The following CLVS2 variants were observed in gnomAD, a reference collection of about 807,000 sequenced individuals.
CLVS2 encodes clavesin-2.
CLVS2 carries 19 observed loss-of-function variants against 29.0 expected under a neutral mutation model. The observed-to-expected ratio is 0.66, with a 90% CI of 0.46 to 0.96. CLVS2 has a LOEUF of 0.96. Among genes scored for constraint, CLVS2 ranks in the 40% least tolerant of loss-of-function variants. The pLI is 0.00. For missense variants in CLVS2, 294 were observed against 404.1 expected, an observed-to-expected ratio of 0.73 and a Z score of 2.34; for synonymous variants, 161 against 151.3, an observed-to-expected ratio of 1.06 and a Z score of -0.47.
Position 123,071,965 on chromosome 6 carries a change from C to G in CLVS2, c.*8204C>G, listed in dbSNP as rs1250958010. On this transcript the variant is annotated 3_prime_UTR_variant, in exon 6 of 6. Transcript: ENST00000275162. ...TTAATTTCAGCTATCATTTTTAGAGCCTTACAGTCACAATTGTTCTTAACT... is the reference window on the plus strand; with the variant it reads ...TTAATTTCAGCTATCATTTTTAGAGGCTTACAGTCACAATTGTTCTTAACT... 1.3e-5 allele frequency: 2 copies of G among 151,976 alleles called. No individual in the cohort carries two copies. Among genetic ancestry groups the G allele is most frequent in the Admixed American group, 6.6e-5 (1 of 15,242 alleles). The allele number at this position is 151,976 out of a possible 1,614,324, so 9.4% of individuals were successfully genotyped here. A position where few individuals can be genotyped will look rare whatever the true frequency, so the allele number is the denominator to read the frequency against.
rs568263111 is a variant in CLVS2 at position 123,020,930 on chromosome 6, A to G, written c.564+9771A>G. On this transcript the variant is annotated intron_variant, in intron 3 of 5. Coordinates refer to ENST00000275162, the MANE Select transcript of CLVS2 (RefSeq NM_001010852.4). ...ATTTAAAAAATTTCACCTTTGTGTC[A>G]TCTTAGCTCTTGCTCGAATTTCATT... Among the ~76,000 whole-genome samples the G allele has an allele frequency of 1.3e-3, 198 of 151,966 alleles. 3 individuals carry two copies. Among genetic ancestry groups the G allele is most frequent in the African/African-American group, 4.6e-3 (190 of 41,500 alleles).
At chr6:123,041,175 C>A (rs1775227202) in intron 3 of CLVS2, among the ~76,000 whole-genome samples, 1 of 152,012 alleles carries the variant, frequency 6.6e-6, no homozygotes, top group African/African-American at 2.4e-5. Flanking sequence ...ACTTGAAGGA[C>A]TTAATAAAAG....
chr6:123,063,842 A>G lies in CLVS2; in HGVS notation c.*81A>G, dbSNP rs1271923177. The G allele has an allele frequency of 4.3e-6, 4 of 933,428 alleles. No homozygotes were observed. The highest frequency in any genetic ancestry group is 3.3e-5 in the African/African-American group (2 of 61,064). 57.8% of individuals were successfully genotyped at this position (933,428 alleles called of 1,614,324 possible). ...ACAGGGACAACACTGTAGAGGAATTACCAGCTGGAAACCGACTTATTCATG... is the reference window on the plus strand; with the variant it reads ...ACAGGGACAACACTGTAGAGGAATTGCCAGCTGGAAACCGACTTATTCATG... On this transcript the variant is annotated 3_prime_UTR_variant, in exon 6 of 6. Coordinates refer to ENST00000275162, the MANE Select transcript of CLVS2 (RefSeq NM_001010852.4).
chr6:123,064,031 T>G lies in CLVS2; in HGVS notation c.*270T>G, dbSNP rs1051873676. 1 of 286,798 alleles carries G rather than the reference T, an allele frequency of 3.5e-6. No homozygotes were observed. The highest frequency in any genetic ancestry group is 6.5e-6 in the Non-Finnish European group (1 of 153,260). 17.8% of individuals were successfully genotyped at this position (286,798 alleles called of 1,614,324 possible). ...CAAGTTTGTAAATTTCAGTAGTAAC[T>G]CAGTTTGGAAAAAGGTTGGCTCAAA... On this transcript the variant is annotated 3_prime_UTR_variant, in exon 6 of 6. Coordinates refer to ENST00000275162, the MANE Select transcript of CLVS2 (RefSeq NM_001010852.4).
chr6:123,058,785 G>A (rs1161335133), intron 5 of CLVS2, among the ~76,000 whole-genome samples: 1 of 151,990 alleles, frequency 6.6e-6, no homozygotes, highest in Admixed American at 6.6e-5. Flanking sequence ...ACAAGTAACT[G>A]GGACTACAAG....
rs146345683 is a variant in CLVS2 at position 123,045,271 on chromosome 6, C to T, written c.565-3351C>T. 2.2e-3 allele frequency among the ~76,000 whole-genome samples: 328 copies of T among 152,000 alleles called. 2 individuals are homozygous for T. Among genetic ancestry groups the T allele is most frequent in the African/African-American group, 7.5e-3 (309 of 41,428 alleles). On this transcript the variant is annotated intron_variant, in intron 3 of 5. Coordinates refer to ENST00000275162, the MANE Select transcript of CLVS2 (RefSeq NM_001010852.4). ...TCTCTTTGGATAGTTCAAGAACAAA[C>T]GGATTTAATACTGGGAGTTAGTGTT... is the stretch of plus-strand genomic sequence containing the variant.
At chr6:123,048,209 T>G (rs149187300) in intron 3 of CLVS2, among the ~76,000 whole-genome samples, 2,280 of 151,982 alleles carry the variant, frequency 0.015, 19 homozygotes, top group Middle Eastern at 0.048. Context: ...AGGGATTTAA[T>G]AAAATATTTT....
intron 3 of CLVS2, among the ~76,000 whole-genome samples, chr6:123,013,543 A>T (rs956159126): frequency 3.3e-5 from 5 of 152,102 alleles, no homozygotes; most frequent in African/African-American, 1.2e-4. Context: ...TACGTGCATT[A>T]TGAATGGGAT....
chr6:123,048,733 G>T lies in CLVS2; in HGVS notation c.675+1G>T. ...CCTGAAGGAGAAAACTCGGAAAAGG[G>T]TATTCTTTTCTTTGATTTTTAATCC... On this transcript the variant is annotated splice_donor_variant, in intron 4 of 5. Coordinates refer to ENST00000275162, the MANE Select transcript of CLVS2 (RefSeq NM_001010852.4). LOFTEE classifies it high-confidence loss of function. The T allele has an allele frequency of 1.9e-6, 3 of 1,587,910 alleles. No homozygotes were observed. The highest frequency in any genetic ancestry group is 2.6e-6 in the Non-Finnish European group (3 of 1,156,516).
chr6:123,008,438 C>T (rs1229818284), intron 2 of CLVS2, among the ~76,000 whole-genome samples: 1 of 152,070 alleles, frequency 6.6e-6, no homozygotes, highest in East Asian at 1.9e-4. Context: ...ATTTAAAACA[C>T]ATTGCCTCTT....
intron 3 of CLVS2, among the ~76,000 whole-genome samples, chr6:123,039,248 A>G (rs1054733861): frequency 2.0e-5 from 3 of 152,206 alleles, no homozygotes; most frequent in African/African-American, 7.2e-5. Context: ...AAGTAGCTTG[A>G]AAGTCAAGTA....
intron 3 of CLVS2, among the ~76,000 whole-genome samples, chr6:123,045,561 T>C (rs1472110636): frequency 6.6e-6 from 1 of 152,122 alleles, no homozygotes; most frequent in Non-Finnish European, 1.5e-5. Context: ...GCTGCCTCCC[T>C]TTGGTCCCTT....
At chr6:123,060,822 CA>C (rs1772766486) in intron 5 of CLVS2, among the ~76,000 whole-genome samples, 2 of 152,224 alleles carry the variant, frequency 1.3e-5, no homozygotes, top group South Asian at 4.1e-4. Context: ...CATGATCACA[CA>C]GCTAGTAAAC....
At chr6:123,013,332 C>T (rs985245600) in intron 3 of CLVS2, among the ~76,000 whole-genome samples, 8 of 151,966 alleles carry the variant, frequency 5.3e-5, no homozygotes, top group African/African-American at 1.4e-4. Context: ...CATGCCAAGA[C>T]CATCAACACC....
At chr6:123,034,010 A>G (rs1339325811) in intron 3 of CLVS2, among the ~76,000 whole-genome samples, 4 of 152,134 alleles carry the variant, frequency 2.6e-5, no homozygotes, top group African/African-American at 9.7e-5. Flanking sequence ...CCACAGTGAG[A>G]TATCACTACA....
At chr6:123,048,113 T>C (rs1030814626) in intron 3 of CLVS2, among the ~76,000 whole-genome samples, 6 of 152,238 alleles carry the variant, frequency 3.9e-5, no homozygotes, top group Middle Eastern at 3.4e-3. Context: ...AAAGATAATG[T>C]TTATAACTAA....
At chr6:123,005,258 A>G (rs1409163810) in intron 2 of CLVS2, among the ~76,000 whole-genome samples, 3 of 152,166 alleles carry the variant, frequency 2.0e-5, no homozygotes, top group African/African-American at 7.2e-5. Context: ...TATTATTATT[A>G]CCACTCAGTA....
chr6:123,037,306 T>C (rs1406698573), intron 3 of CLVS2, among the ~76,000 whole-genome samples: 1 of 152,148 alleles, frequency 6.6e-6, no homozygotes, highest in African/African-American at 2.4e-5. Flanking sequence ...TTCGTGAAGT[T>C]GTAGAGCCTC....
At chr6:123,004,373 A>T (rs1774633606) in intron 2 of CLVS2, among the ~76,000 whole-genome samples, 1 of 152,206 alleles carries the variant, frequency 6.6e-6, no homozygotes, top group Non-Finnish European at 1.5e-5. Context: ...TTCCCACAGC[A>T]GTAAAATTAA....
Sources: gnomAD v4.1 joint callset for allele counts (sites outside exome capture counted in the v4.1 genomes callset) on GRCh38, gnomAD v4.1.1 for gene constraint, MANE v1.5 for transcripts, NCBI Gene and HGNC (gene_info 2026-07-23, HGNC 2026-07-21) for gene names.